The following MIOS variants were observed in gnomAD, a reference collection of about 807,000 sequenced individuals.
MIOS encodes GATOR2 complex protein MIOS.
A neutral mutation model predicts 96.9 loss-of-function variants in MIOS; 52 were observed. The observed-to-expected ratio is 0.54, with a 90% CI of 0.43 to 0.68. The LOEUF is 0.68. MIOS is among the 30% of genes least tolerant of loss of function. MIOS has a pLI of 0.00. For synonymous variants in MIOS, 397 were observed against 359.5 expected, an observed-to-expected ratio of 1.10 and a Z score of -1.18; for missense variants, 1,005 against 1,052.8, an observed-to-expected ratio of 0.95 and a Z score of 0.63.
chr7:7,598,351 C>A (rs143696042), intron 11 of MIOS, among the ~76,000 whole-genome samples: 1 of 152,128 alleles, frequency 6.6e-6, no homozygotes, highest in Admixed American at 6.5e-5. Flanking sequence ...ATTACATTAA[C>A]ATTTATGAAA....
chr7:7,588,478 G>GT lies in MIOS; in HGVS notation c.1819-20_1819-19insT, dbSNP rs1783954994. 6.5e-7 allele frequency: 1 copy of GT among 1,542,318 alleles called. No individual in the cohort carries two copies. ...CCAGTGCGCCTAGAAGTAACTCCTT[G>GT]CTTTTTCTCTTCTTTCCAGTATGAA... On this transcript the variant is annotated intron_variant, in intron 7 of 12. Coordinates refer to ENST00000340080, the MANE Select transcript of MIOS (RefSeq NM_019005.4).
chr7:7,573,442 A>G lies in MIOS; in HGVS notation c.967A>G (p.Asn323Asp), dbSNP rs1459423927. 6.2e-7 allele frequency: 1 copy of G among 1,614,154 alleles called. No homozygotes were observed. The highest frequency in any genetic ancestry group is 8.5e-7 in the Non-Finnish European group (1 of 1,179,976). The change falls in exon 4 of 13, where the codon AAT becomes GAT. Residue 323 changes from asparagine (N) to aspartate (D), a missense_variant. Coordinates refer to ENST00000340080, the MANE Select transcript of MIOS (RefSeq NM_019005.4). The surrounding 1 kb of genome is among the most constrained non-coding windows in gnomAD (Gnocchi z 5.0). ...TGAAAGAAGTGTGCAACCTTGTGACAATTACATTGCTTCCTTTGCGTGGCA... is the reference window on the plus strand; with the variant it reads ...TGAAAGAAGTGTGCAACCTTGTGACGATTACATTGCTTCCTTTGCGTGGCA... ...IIERSVQPCD[N>D]YIASFAWHPT...
intron 9 of MIOS, among the ~76,000 whole-genome samples, chr7:7,592,224 AGTGATCTGCC>A (rs1455446929): frequency 1.3e-5 from 2 of 152,178 alleles, no homozygotes; most frequent in Non-Finnish European, 2.9e-5. Context: ...CCTGTCCTCA[AGTGATCTGCC>A]CGCCTCGGCC....
intron 11 of MIOS, among the ~76,000 whole-genome samples, chr7:7,602,604 G>A (rs1784412222): frequency 6.6e-6 from 1 of 152,152 alleles, no homozygotes; most frequent in South Asian, 2.1e-4. Context: ...AACATTCCAT[G>A]CTCATGGGTG....
At chr7:7,597,174 A>C (rs1563040375) in intron 11 of MIOS, among the ~76,000 whole-genome samples, 1 of 151,650 alleles carries the variant, frequency 6.6e-6, no homozygotes, top group Non-Finnish European at 1.5e-5. Context: ...AAAATACAAA[A>C]AATTAGCCGG....
chr7:7,568,165 C>T (rs1029476959), intron 3 of MIOS, 42 bp downstream of exon 3: 3 of 152,012 alleles, frequency 2.0e-5, no homozygotes, highest in African/African-American at 7.3e-5. Flanking sequence ...CAGACCGCAC[C>T]CCTTCTACAC....
At chr7:7,579,342 T>C (rs1330282673) in intron 5 of MIOS, among the ~76,000 whole-genome samples, 1 of 152,208 alleles carries the variant, frequency 6.6e-6, no homozygotes, top group Admixed American at 6.5e-5. Context: ...CAGGACATAT[T>C]AATATTTCTA....
At chr7:7,592,010 T>G (rs1583646440) in intron 9 of MIOS, among the ~76,000 whole-genome samples, 3 of 152,150 alleles carry the variant, frequency 2.0e-5, no homozygotes, top group African/African-American at 7.2e-5. Context: ...AGACAGAGTC[T>G]TGCTGTGTCA....
intron 11 of MIOS, among the ~76,000 whole-genome samples, chr7:7,603,995 A>G (rs1784453290): frequency 6.7e-6 from 1 of 150,206 alleles, no homozygotes; most frequent in African/African-American, 2.5e-5. Flanking sequence ...TCTCACTGAC[A>G]GGCGGGAATT....
At chr7:7,597,681 G>C (rs1010091879) in intron 11 of MIOS, among the ~76,000 whole-genome samples, 3 of 150,970 alleles carry the variant, frequency 2.0e-5, no homozygotes, top group Non-Finnish European at 3.0e-5. Flanking sequence ...CACACACACA[G>C]TGTTCGTTTT....
chr7:7,608,790 T>G lies in MIOS; in HGVS notation c.*1698T>G, dbSNP rs1472685274. The stretch of plus-strand genomic sequence containing the variant: ...AAAATGTAAAATTATCTCAAATAGT[T>G]ACAAGTTTTGGAAATACAGTATAAA... On this transcript the variant is annotated 3_prime_UTR_variant, in exon 13 of 13. Transcript: ENST00000340080. 6.6e-6 allele frequency: 1 copy of G among 152,086 alleles called. No individual in the cohort carries two copies. The highest frequency in any genetic ancestry group is 2.4e-5 in the African/African-American group (1 of 41,460). 9.4% of individuals were successfully genotyped at this position (152,086 alleles called of 1,614,324 possible). A position where few individuals can be genotyped will look rare whatever the true frequency, so the allele number is the denominator to read the frequency against.
chr7:7,571,081 T>C lies in MIOS; in HGVS notation c.-40-1355T>C, dbSNP rs79843398. ...CAGGCTCTATATATGGCACTAAGGA[T>C]AGAGAGGTAAGTGAACCATAGCTTT... On this transcript the variant is annotated intron_variant, in intron 3 of 12. Transcript: ENST00000340080. Among the ~76,000 whole-genome samples, 370 of 152,302 alleles carry C rather than the reference T, an allele frequency of 2.4e-3. 4 individuals carry two copies. The highest frequency in any genetic ancestry group is 8.4e-3 in the African/African-American group (350 of 41,572).
downstream of MIOS, among the ~76,000 whole-genome samples, chr7:7,609,100 T>C (rs972059789): frequency 3.9e-5 from 6 of 152,230 alleles, no homozygotes; most frequent in Non-Finnish European, 7.4e-5. Context: ...GTTTTTATTA[T>C]TTTTAAAAGA....
intron 11 of MIOS, among the ~76,000 whole-genome samples, chr7:7,597,261 G>T (rs766037291): frequency 2.6e-4 from 40 of 151,188 alleles, no homozygotes; most frequent in Non-Finnish European, 5.0e-4. Context: ...GGGAGGCAGA[G>T]GTTGCAGTGA....
chr7:7,583,151 G>T lies in MIOS; in HGVS notation c.1427G>T (p.Gly476Val). The T allele has an allele frequency of 1.2e-6, 2 of 1,613,998 alleles. No homozygotes were observed. Residue 476 changes from glycine (G) to valine (V), a missense_variant, in exon 6 of 13, where the codon GGG becomes GTG. Gly to Val is a moderately radical substitution (Grantham distance 109). Around this residue, in one of 3 missense-constraint regions of MIOS, gnomAD observed 865 missense variants for 887.9 expected, o/e 0.97. Coordinates refer to ENST00000340080, the MANE Select transcript of MIOS (RefSeq NM_019005.4). ...GAAAGCAGCAGACATAATTGGAGTG[G>T]GTTGGATAAGCAAAGTGATATTCAA... ...MVESSRHNWS[G>V]LDKQSDIQNL...
chr7:7,589,442 A>G lies in MIOS; in HGVS notation c.1922A>G (p.Lys641Arg), dbSNP rs1712520678. The G allele has an allele frequency of 1.2e-6, 2 of 1,613,552 alleles. No individual in the cohort carries two copies. Among genetic ancestry groups the G allele is most frequent in the Non-Finnish European group, 8.5e-7 (1 of 1,179,746 alleles). The change falls in exon 9 of 13, where the codon AAA becomes AGA. Residue 641 changes from lysine (K) to arginine (R), a missense_variant. Around this residue, in one of 3 missense-constraint regions of MIOS, gnomAD observed 865 missense variants for 887.9 expected, o/e 0.97. Coordinates refer to ENST00000340080, the MANE Select transcript of MIOS (RefSeq NM_019005.4). ...RYIEKLTNEMKEAGNLEGILL... is the reference protein window; with the variant it reads ...RYIEKLTNEMREAGNLEGILL... ...ATCGAAAAGTTGACCAATGAAATGA[A>G]AGAGGCTGGAAATTTGGAAGGAATT...
chr7:7,576,015 T>C lies in MIOS; in HGVS notation c.1393+1819T>C, dbSNP rs547929999. Reference sequence around the variant, plus strand: ...GGCCATACCTTTTCCTCTAATTGTATCTCTAATAATCAACACATGGTAAGT... The same window carrying C: ...GGCCATACCTTTTCCTCTAATTGTACCTCTAATAATCAACACATGGTAAGT... On this transcript the variant is annotated intron_variant, in intron 5 of 12. Transcript: ENST00000340080. Among the ~76,000 whole-genome samples, 62 of 152,264 alleles carry C rather than the reference T, an allele frequency of 4.1e-4. 1 individual carries two copies. The highest frequency in any genetic ancestry group is 1.3e-3 in the African/African-American group (53 of 41,560).
Position 7,592,314 on chromosome 7 carries a change from T to C in MIOS, c.2044-2666T>C, listed in dbSNP as rs543408666. On this transcript the variant is annotated intron_variant, in intron 9 of 12. Coordinates refer to ENST00000340080, the MANE Select transcript of MIOS (RefSeq NM_019005.4). ...CAGATTTGTTGATTCTGTTGACTTA[T>C]TCCATCACCTCTGTCTGCTGTTAAA... 5.9e-5 allele frequency among the ~76,000 whole-genome samples: 9 copies of C among 152,312 alleles called. No individual in the cohort carries two copies. In the South Asian group the frequency reaches 1.7e-3, roughly 28 times the overall value.
chr7:7,593,892 A>C (rs1784122824), intron 9 of MIOS, among the ~76,000 whole-genome samples: 1 of 97,498 alleles, frequency 1.0e-5, no homozygotes, highest in Non-Finnish European at 2.1e-5. Context: ...AAAAAAAAAA[A>C]AAAGAAAAAG....
Sources: allele counts gnomAD v4.1 joint callset (sites outside exome capture counted in the v4.1 genomes callset), GRCh38; gene constraint gnomAD v4.1.1; regional missense constraint gnomAD v4.1.1; non-coding constraint Gnocchi (gnomAD v3.1); transcripts MANE v1.5; gene names NCBI Gene and HGNC (gene_info 2026-07-23, HGNC 2026-07-21).